ATP10D: variants seen among roughly 807,000 people sequenced by gnomAD.
ATP10D encodes phospholipid-transporting ATPase VD.
A neutral mutation model predicts 144.8 loss-of-function variants in ATP10D; 89 were observed. That is an observed-to-expected ratio of 0.61 (90% CI 0.52 to 0.73). The LOEUF is 0.73. ATP10D is among the 30% of genes least tolerant of loss of function. ATP10D has a pLI of 0.00. For synonymous variants in ATP10D, 571 were observed against 615.1 expected, an observed-to-expected ratio of 0.93 and a Z score of 1.06; for missense variants, 1,603 against 1,714.8, an observed-to-expected ratio of 0.93 and a Z score of 1.15.
chr4:47,501,724 G>GAGAT (rs1715690229), intron 1 of ATP10D, among the ~76,000 whole-genome samples: 1 of 152,292 alleles, frequency 6.6e-6, no homozygotes, highest in Non-Finnish European at 1.5e-5. Context: ...TTACTAAGTG[G>GAGAT]AGATAATAAT....
At chr4:47,539,771 T>G (rs567301312) in intron 9 of ATP10D, among the ~76,000 whole-genome samples, 13 of 152,372 alleles carry the variant, frequency 8.5e-5, no homozygotes, top group Admixed American at 4.6e-4. Flanking sequence ...AAATATACAG[T>G]GAGAAGCACT....
At chr4:47,590,762 C>T (rs572848559) in intron 22 of ATP10D, among the ~76,000 whole-genome samples, 1 of 152,190 alleles carries the variant, frequency 6.6e-6, no homozygotes, top group East Asian at 1.9e-4. Context: ...GCCTATGTAG[C>T]AACTATTTAT....
intron 10 of ATP10D, among the ~76,000 whole-genome samples, chr4:47,549,316 C>A (rs532657020): frequency 6.6e-6 from 1 of 152,210 alleles, no homozygotes; most frequent in Non-Finnish European, 1.5e-5. Context: ...CTCTGTCACC[C>A]AGTTCCAAGT....
At chr4:47,554,658 C>A in intron 10 of ATP10D, 68 bp from the exon 11 acceptor site, 1 of 1,284,528 alleles carries the variant, frequency 7.8e-7, no homozygotes, top group Non-Finnish European at 1.1e-6. Flanking sequence ...CAAGTTATTT[C>A]TCATGTTGAT....
chr4:47,485,795 G>A (rs1387686461), intron 1 of ATP10D, among the ~76,000 whole-genome samples: 5 of 147,228 alleles, frequency 3.4e-5, no homozygotes, highest in African/African-American at 1.0e-4. Context: ...AAGGTAAACT[G>A]CACACGCGGG....
intron 15 of ATP10D, among the ~76,000 whole-genome samples, chr4:47,566,296 T>C (rs1025016619): frequency 2.6e-5 from 4 of 152,262 alleles, no homozygotes; most frequent in Admixed American, 2.0e-4. Flanking sequence ...TCATTTGTTT[T>C]AATATAGTCA....
chr4:47,519,410 T>A (rs1716836070), intron 3 of ATP10D, among the ~76,000 whole-genome samples: 1 of 152,082 alleles, frequency 6.6e-6, no homozygotes. Flanking sequence ...TCATTGAGAG[T>A]CACACACAAG....
intron 21 of ATP10D, 48 bp downstream of exon 21, chr4:47,582,112 G>T: frequency 7.0e-7 from 1 of 1,429,914 alleles, no homozygotes; most frequent in Non-Finnish European, 9.9e-7. Flanking sequence ...TTTTATGCTT[G>T]GGGATATGTC....
At chr4:47,541,118 C>T (rs1473928011) in intron 9 of ATP10D, among the ~76,000 whole-genome samples, 2 of 152,150 alleles carry the variant, frequency 1.3e-5, no homozygotes, top group African/African-American at 2.4e-5. Flanking sequence ...ATGACACTAT[C>T]TATCTCATTG....
intron 18 of ATP10D, among the ~76,000 whole-genome samples, chr4:47,576,018 G>A (rs1287342877): frequency 2.3e-5 from 3 of 132,690 alleles, no homozygotes; most frequent in South Asian, 5.3e-4. Context: ...TGCAAGCTCC[G>A]CCTCCCGGGT....
chr4:47,539,434 A>G (rs1718019807), intron 9 of ATP10D, among the ~76,000 whole-genome samples: 1 of 152,204 alleles, frequency 6.6e-6, no homozygotes, highest in African/African-American at 2.4e-5. Context: ...AACCCCCATC[A>G]AACAGAATAG....
In ATP10D at chr4:47,580,382, T is replaced by C. The variant is rs751393952; in HGVS notation, c.3568-16T>C. ...TGTTAATCTTACTACCTCCCCGTTA[T>C]CTGCTTCATTTCTAGGCATACTTAC... On this transcript the variant is annotated splice_polypyrimidine_tract_variant and intron_variant, in intron 19 of 22. Transcript: ENST00000273859. The C allele has an allele frequency of 2.4e-5, 38 of 1,599,082 alleles. No homozygotes were observed. The highest frequency in any genetic ancestry group is 3.0e-5 in the Non-Finnish European group (35 of 1,166,638).
chr4:47,538,951 C>T (rs1304974188), intron 9 of ATP10D, among the ~76,000 whole-genome samples: 1 of 152,162 alleles, frequency 6.6e-6, no homozygotes, highest in Non-Finnish European at 1.5e-5. Flanking sequence ...TTTCAAATTA[C>T]TCGAAGTCAG....
chr4:47,554,102 A>G (rs1718856400), intron 10 of ATP10D, among the ~76,000 whole-genome samples: 1 of 152,272 alleles, frequency 6.6e-6, no homozygotes, highest in African/African-American at 2.4e-5. Context: ...TTTTTCAATA[A>G]CAACTTCTTA....
chr4:47,536,102 T>C lies in ATP10D; in HGVS notation c.1015+69T>C, dbSNP rs28390319. On this transcript the variant is annotated intron_variant, in intron 7 of 22. Transcript: ENST00000273859. Reference sequence around the variant, plus strand: ...ATTAAAGTATTTTATTTCAAAATTATATCTGTGAATATTTGACTTTGGTAA... The same window carrying C: ...ATTAAAGTATTTTATTTCAAAATTACATCTGTGAATATTTGACTTTGGTAA... 17,958 of 1,517,042 alleles carry C rather than the reference T, an allele frequency of 0.012. 1,860 individuals carry two copies. In the African/African-American group the frequency reaches 0.22, roughly 19 times the overall value. 94.0% of individuals were successfully genotyped at this position (1,517,042 alleles called of 1,614,324 possible).
chr4:47,553,861 C>A (rs1267892560), intron 10 of ATP10D, among the ~76,000 whole-genome samples: 2 of 152,234 alleles, frequency 1.3e-5, no homozygotes, highest in Non-Finnish European at 2.9e-5. Context: ...GGCTTTCCTG[C>A]AGTCACTGTG....
intron 11 of ATP10D, among the ~76,000 whole-genome samples, chr4:47,555,348 G>T (rs1038925434): frequency 6.6e-6 from 1 of 152,166 alleles, no homozygotes; most frequent in Non-Finnish European, 1.5e-5. Flanking sequence ...CACCCAACCC[G>T]TCTGTGGAAA....
At chr4:47,583,782 A>G (rs945257196) in intron 21 of ATP10D, among the ~76,000 whole-genome samples, 3 of 150,954 alleles carry the variant, frequency 2.0e-5, no homozygotes, top group South Asian at 4.2e-4. Context: ...ATTAAAAAAT[A>G]TAATGAAGAA....
chr4:47,486,732 G>T (rs1324953242), intron 1 of ATP10D, among the ~76,000 whole-genome samples: 1 of 152,110 alleles, frequency 6.6e-6, no homozygotes, highest in Non-Finnish European at 1.5e-5. Context: ...TTAAAATGAG[G>T]TCATTTTATA....
Sources: gnomAD v4.1 joint callset for allele counts (sites outside exome capture counted in the v4.1 genomes callset) on GRCh38, gnomAD v4.1.1 for gene constraint, MANE v1.5 for transcripts, NCBI Gene and HGNC (gene_info 2026-07-23, HGNC 2026-07-21) for gene names.